Variants in CALN1 observed in about 807,000 individuals in gnomAD.
The protein encoded by CALN1 is calcium-binding protein 8.
Under a neutral mutation model 30.6 loss-of-function variants are expected in CALN1, and 17 were observed. The ratio of observed to expected loss-of-function variants is 0.56; its 90% CI spans 0.38 to 0.83. CALN1 has a LOEUF of 0.83. Ranked by LOEUF, CALN1 falls within the 40% of genes least tolerant of loss-of-function variation. The pLI is 0.00. For missense variants in CALN1, 291 were observed against 354.9 expected, an observed-to-expected ratio of 0.82 and a Z score of 1.45; for synonymous variants, 156 against 131.4, an observed-to-expected ratio of 1.19 and a Z score of -1.28.
intron 5 of CALN1, among the ~76,000 whole-genome samples, chr7:71,887,147 G>A (rs1207820494): frequency 2.0e-5 from 3 of 152,134 alleles, no homozygotes; most frequent in South Asian, 4.1e-4. Flanking sequence ...AGGGGTGGGG[G>A]TGTCAGGAGG....
intron 3 of CALN1, among the ~76,000 whole-genome samples, chr7:72,198,599 T>A (rs1201967607): frequency 3.3e-5 from 5 of 151,998 alleles, no homozygotes; most frequent in Non-Finnish European, 2.9e-5. Context: ...CCCCACCCTT[T>A]AAAATAACCC....
At chr7:72,257,446 T>A (rs200852792) in intron 3 of CALN1, among the ~76,000 whole-genome samples, 2 of 143,000 alleles carry the variant, frequency 1.4e-5, no homozygotes, top group African/African-American at 2.8e-5. Flanking sequence ...GCCACAATTT[T>A]AAAAATAAAA....
intron 3 of CALN1, among the ~76,000 whole-genome samples, chr7:72,245,306 A>G (rs943831847): frequency 6.6e-6 from 1 of 152,024 alleles, no homozygotes; most frequent in East Asian, 1.9e-4. Context: ...CAGTACTGTG[A>G]TGTGACTCAT....
chr7:72,461,477 AAAG>A, the CALN1 span, among the ~76,000 whole-genome samples: 1 of 152,236 alleles, frequency 6.6e-6, no homozygotes. Context: ...ACACAGCCAT[AAAG>A]AAGAATGAAA....
chr7:72,393,675 T>C (rs1805729939), intron 2 of CALN1, among the ~76,000 whole-genome samples: 1 of 151,678 alleles, frequency 6.6e-6, no homozygotes, highest in African/African-American at 2.4e-5. Flanking sequence ...AGAATTCTGA[T>C]GCTCCAAAGC....
chr7:72,283,152 G>C (rs561812289), intron 2 of CALN1, among the ~76,000 whole-genome samples: 11 of 151,840 alleles, frequency 7.2e-5, no homozygotes, highest in African/African-American at 2.4e-4. Flanking sequence ...TAAGTAGTTT[G>C]ACCTCTGTAA....
intron 5 of CALN1, among the ~76,000 whole-genome samples, chr7:71,827,784 AAAT>A (rs1364259472): frequency 3.4e-5 from 5 of 148,624 alleles, no homozygotes; most frequent in African/African-American, 9.9e-5. Flanking sequence ...AAAAATAAAT[AAAT>A]AAATAAATAA....
At chr7:72,380,845 A>G (rs1256586098) in intron 2 of CALN1, among the ~76,000 whole-genome samples, 1 of 152,188 alleles carries the variant, frequency 6.6e-6, no homozygotes, top group Non-Finnish European at 1.5e-5. Flanking sequence ...CTGTCTCAAA[A>G]AGAAAAGAAA....
At chr7:72,195,858 A>T (rs924855716) in intron 3 of CALN1, among the ~76,000 whole-genome samples, 4 of 152,186 alleles carry the variant, frequency 2.6e-5, no homozygotes, top group African/African-American at 9.7e-5. Flanking sequence ...AAAATGGATA[A>T]ACAAAATATT....
At chr7:72,380,723 A>G (rs1396055556) in intron 2 of CALN1, among the ~76,000 whole-genome samples, 1 of 151,694 alleles carries the variant, frequency 6.6e-6, no homozygotes, top group Non-Finnish European at 1.5e-5. Context: ...ATAGATAGAT[A>G]CATAGATACA....
At chr7:71,966,535 C>A (rs1177192247) in intron 5 of CALN1, among the ~76,000 whole-genome samples, 2 of 152,178 alleles carry the variant, frequency 1.3e-5, no homozygotes, top group Non-Finnish European at 2.9e-5. Context: ...CTCTCTCTGT[C>A]TCCTGCTCCT....
At chr7:71,859,887 C>T (rs1351256736) in intron 5 of CALN1, among the ~76,000 whole-genome samples, 1 of 152,142 alleles carries the variant, frequency 6.6e-6, no homozygotes, top group Non-Finnish European at 1.5e-5. Flanking sequence ...TATTCTTAGC[C>T]TCCAGAGGTG....
At chr7:71,847,694 GGAAGAAGAAAGAAGAAAGAAGAAA>G (rs1193730803) in intron 5 of CALN1, among the ~76,000 whole-genome samples, 13 of 125,852 alleles carry the variant, frequency 1.0e-4, no homozygotes, top group African/African-American at 2.0e-4. Flanking sequence ...AAAAAAAGGA[GGAAGAAGAAAGAAGAAAGAAGAAA>G]GAAGAAGAAA....
chr7:72,339,230 G>A (rs895614928), intron 2 of CALN1, among the ~76,000 whole-genome samples: 1 of 151,994 alleles, frequency 6.6e-6, no homozygotes, highest in Non-Finnish European at 1.5e-5. Context: ...ATGGACACAT[G>A]GGTTGCTTCC....
chr7:72,237,268 G>A (rs1794532479), intron 3 of CALN1, among the ~76,000 whole-genome samples: 1 of 152,144 alleles, frequency 6.6e-6, no homozygotes, highest in African/African-American at 2.4e-5. Context: ...ACAGGCATGA[G>A]CCACTACACC....
intron 5 of CALN1, among the ~76,000 whole-genome samples, chr7:71,830,333 G>A (rs770146296): frequency 7.6e-5 from 11 of 144,520 alleles, no homozygotes; most frequent in South Asian, 2.2e-4. Flanking sequence ...ATGAGCCACC[G>A]TGTCCGGCCA....
chr7:72,369,359 T>TTGTTTTGTTG (rs1554390884), intron 2 of CALN1, among the ~76,000 whole-genome samples: 5 of 146,714 alleles, frequency 3.4e-5, no homozygotes, highest in African/African-American at 1.3e-4. Context: ...TATTTATTTT[T>TTGTTTTGTTG]TTGTTGTTGT....
At chr7:71,812,914 AT>A (rs1360043687) in intron 5 of CALN1, among the ~76,000 whole-genome samples, 1 of 120,194 alleles carries the variant, frequency 8.3e-6, no homozygotes, top group African/African-American at 3.1e-5. Context: ...CAGCTATTTT[AT>A]TTATCATCAT....
In CALN1 at chr7:71,990,701, T is replaced by C. The variant is rs191613497; in HGVS notation, c.501+32956A>G. Among the ~76,000 whole-genome samples, 568 of 152,200 alleles carry C rather than the reference T, an allele frequency of 3.7e-3. 6 individuals are homozygous for C. The highest frequency in any genetic ancestry group is 0.013 in the African/African-American group (540 of 41,546). ...CTCCTGACCTCAAGTGATCCACCAGTCTTGGCCTCCCAAAGTGATGGGATT... is the reference window on the plus strand; with the variant it reads ...CTCCTGACCTCAAGTGATCCACCAGCCTTGGCCTCCCAAAGTGATGGGATT... On this transcript the variant is annotated intron_variant, in intron 5 of 6. Coordinates refer to ENST00000395275, the MANE Select transcript of CALN1 (RefSeq NM_031468.4).
Sources: gnomAD v4.1 joint callset for allele counts (sites outside exome capture counted in the v4.1 genomes callset) on GRCh38, gnomAD v4.1.1 for gene constraint, MANE v1.5 for transcripts, NCBI Gene and HGNC (gene_info 2026-07-23, HGNC 2026-07-21) for gene names.